EGFLAM: variants seen among roughly 807,000 people sequenced by gnomAD.
EGFLAM encodes the protein pikachurin.
In EGFLAM, 79 loss-of-function variants were observed where a neutral mutation model predicts 113.1. That is an observed-to-expected ratio of 0.70 (90% CI 0.58 to 0.84). The LOEUF (loss-of-function observed/expected upper bound fraction) is 0.84. EGFLAM is among the 40% of genes least tolerant of loss of function. EGFLAM has a pLI of 0.00. For synonymous variants in EGFLAM, 504 were observed against 487.6 expected, an observed-to-expected ratio of 1.03 and a Z score of -0.44; for missense variants, 1,265 against 1,291.6, an observed-to-expected ratio of 0.98 and a Z score of 0.32.
At chr5:38,259,481 TG>T (rs113402903) in intron 1 of EGFLAM, among the ~76,000 whole-genome samples, 1 of 152,320 alleles carries the variant, frequency 6.6e-6, no homozygotes, top group African/African-American at 2.4e-5. Flanking sequence ...GACTGGGAAT[TG>T]GGGGAGAACT....
intron 2 of EGFLAM, 85 bp downstream of exon 2, chr5:38,337,714 G>A: frequency 8.8e-7 from 1 of 1,130,014 alleles, no homozygotes. Context: ...CTAGATATCT[G>A]TCCTTCCATA....
chr5:38,424,927 A>G (rs770763032), intron 12 of EGFLAM, 40 bp from the exon 13 acceptor site: 75 of 1,609,366 alleles, frequency 4.7e-5, no homozygotes, highest in Non-Finnish European at 5.9e-5. Context: ...GGACTGGCAC[A>G]CATGGAGGAT....
At chr5:38,441,055 C>T (rs1561095518) in intron 17 of EGFLAM, among the ~76,000 whole-genome samples, 1 of 152,154 alleles carries the variant, frequency 6.6e-6, no homozygotes, top group South Asian at 2.1e-4. Context: ...TCAGGGCCCC[C>T]GCTTTTCCCT....
chr5:38,407,822 C>T lies in EGFLAM; in HGVS notation c.1165C>T (p.Pro389Ser), dbSNP rs1223137531. 4 of 1,612,594 alleles carry T rather than the reference C, an allele frequency of 2.5e-6. No individual in the cohort carries two copies. In the Admixed American group the frequency reaches 6.7e-5, roughly 27 times the overall value. ...TTCTTCAGATATTGTTATCCAGTAT[C>T]CTCAGTTCTTTGGCCACTCCTATGT... ...SCSEDIVIQY[P>S]QFFGHSYVTF... Residue 389 changes from proline (P) to serine (S), a missense_variant, in exon 9 of 22, where the codon CCT becomes TCT. Pro to Ser is a moderately conservative substitution (Grantham distance 74, BLOSUM62 -1). Coordinates refer to ENST00000322350, the MANE Select transcript of EGFLAM (RefSeq NM_152403.4).
At position 38,425,001 on chromosome 5, in the gene EGFLAM, G is replaced by A. The variant is rs780933739; in HGVS notation, c.1719G>A (p.Ser573=). The change falls in exon 13 of 22, where the codon TCG becomes TCA. Residue 573 remains serine, a synonymous_variant. Coordinates refer to ENST00000322350, the MANE Select transcript of EGFLAM (RefSeq NM_152403.4). The part of the protein sequence containing the change: ...ECSSGICDEA[S]CIHGGTCTAI... ...GCAGTGGAATCTGTGATGAGGCCTC[G>A]TGCATCCATGGTGGCACCTGCACAG... 2.0e-5 allele frequency: 32 copies of A among 1,613,980 alleles called. No homozygotes were observed. Among genetic ancestry groups the A allele is most frequent in the Middle Eastern group, 1.7e-4 (1 of 6,060 alleles).
chr5:38,317,817 T>A (rs750126323), intron 1 of EGFLAM, among the ~76,000 whole-genome samples: 1 of 152,250 alleles, frequency 6.6e-6, no homozygotes, highest in East Asian at 1.9e-4. Flanking sequence ...TCAGGAGAAT[T>A]GCAGAGGCCA....
At chr5:38,322,332 A>C (rs943323050) in intron 1 of EGFLAM, among the ~76,000 whole-genome samples, 1 of 152,190 alleles carries the variant, frequency 6.6e-6, no homozygotes, top group Non-Finnish European at 1.5e-5. Flanking sequence ...CAGGGTCATG[A>C]GTACCCAAGG....
chr5:38,342,739 C>A (rs1025588409), intron 3 of EGFLAM, among the ~76,000 whole-genome samples: 15 of 152,142 alleles, frequency 9.9e-5, no homozygotes, highest in Admixed American at 8.5e-4. Flanking sequence ...GTGGTCTTTA[C>A]ACTTTTTGAT....
intron 3 of EGFLAM, among the ~76,000 whole-genome samples, chr5:38,343,405 TCAAAA>T (rs767340708): frequency 2.0e-5 from 1 of 48,836 alleles, no homozygotes. Context: ...AAACTCCATC[TCAAAA>T]AAAAAAAAAA....
At chr5:38,360,513 C>T (rs559536503) in intron 5 of EGFLAM, among the ~76,000 whole-genome samples, 268 of 152,250 alleles carry the variant, frequency 1.8e-3, no homozygotes, top group Non-Finnish European at 3.0e-3. Context: ...CGATGGATTG[C>T]GTAACACACA....
intron 6 of EGFLAM, among the ~76,000 whole-genome samples, chr5:38,386,946 C>T (rs929273454): frequency 2.0e-5 from 3 of 152,210 alleles, no homozygotes; most frequent in African/African-American, 4.8e-5. Context: ...AAATGCTCTG[C>T]AGCACGGAGG....
At chr5:38,349,773 G>GCGCGCACACA (rs1554049180) in intron 3 of EGFLAM, among the ~76,000 whole-genome samples, 59 of 131,040 alleles carry the variant, frequency 4.5e-4, no homozygotes, top group East Asian at 1.4e-3. Flanking sequence ...AAGTACACAC[G>GCGCGCACACA]CACACACACA....
chr5:38,326,487 C>T (rs1738886361), intron 1 of EGFLAM, among the ~76,000 whole-genome samples: 1 of 151,680 alleles, frequency 6.6e-6, no homozygotes, highest in Admixed American at 6.6e-5. Context: ...CTTCGTTTTA[C>T]TGTGTCTGTT....
At chr5:38,325,411 A>C (rs1738853787) in intron 1 of EGFLAM, among the ~76,000 whole-genome samples, 1 of 152,248 alleles carries the variant, frequency 6.6e-6, no homozygotes, top group Admixed American at 6.5e-5. Context: ...AGTAGTAACC[A>C]GCAGGACAAA....
At chr5:38,418,326 G>T in intron 12 of EGFLAM, 71 bp downstream of exon 12, 1 of 1,539,228 alleles carries the variant, frequency 6.5e-7, no homozygotes, top group Admixed American at 2.0e-5. Context: ...TTTCTGGCTT[G>T]GGCCATGGAG....
chr5:38,353,067 C>T (rs1023073228), intron 5 of EGFLAM, among the ~76,000 whole-genome samples: 6 of 152,162 alleles, frequency 3.9e-5, no homozygotes, highest in East Asian at 1.9e-4. Context: ...CTTTCACGTC[C>T]GTATTGCCTT....
At chr5:38,345,469 T>C (rs1195769393) in intron 3 of EGFLAM, 1 of 152,202 alleles carries the variant, frequency 6.6e-6, no homozygotes, top group Non-Finnish European at 1.5e-5. Context: ...GTGAATTCAC[T>C]GCTCGCATAA....
At chr5:38,371,036 T>C (rs956049276) in intron 6 of EGFLAM, among the ~76,000 whole-genome samples, 6 of 152,200 alleles carry the variant, frequency 3.9e-5, no homozygotes, top group Admixed American at 3.3e-4. Flanking sequence ...AGTCAGATTC[T>C]GTTTTTGGTG....
chr5:38,385,802 G>T lies in EGFLAM; in HGVS notation c.712+15340G>T, dbSNP rs1740644273. ...AATCTGTAATACTGAACTAAATACA[G>T]TAATGCGTTGCTTAACAACAGGGAT... On this transcript the variant is annotated intron_variant, in intron 6 of 21. Transcript: ENST00000322350. 2.6e-5 allele frequency among the ~76,000 whole-genome samples: 4 copies of T among 152,326 alleles called. No individual in the cohort carries two copies. The East Asian group carries it at 7.7e-4, about 29-fold the overall frequency.
Sources: allele counts gnomAD v4.1 joint callset (sites outside exome capture counted in the v4.1 genomes callset), GRCh38; gene constraint gnomAD v4.1.1; transcripts MANE v1.5; gene names NCBI Gene and HGNC (gene_info 2026-07-23, HGNC 2026-07-21).